The following NRG3 variants were observed in gnomAD, a reference collection of about 807,000 sequenced individuals.
NRG3 encodes the protein neuregulin 3, also known as pro-neuregulin-3, membrane-bound isoform.
Under a neutral mutation model 66.9 loss-of-function variants are expected in NRG3, and 31 were observed. That is an observed-to-expected ratio of 0.46 (90% confidence interval 0.35 to 0.63). The LOEUF (loss-of-function observed/expected upper bound fraction) is 0.63. Ranked by LOEUF, NRG3 falls within the 20% of genes least tolerant of loss-of-function variation. The pLI, the probability that NRG3 is intolerant of heterozygous loss-of-function variation, is 0.00. For synonymous variants in NRG3, 393 were observed against 359.4 expected (o/e 1.09, Z -1.06); for missense variants, 910 against 878.9 (o/e 1.04, Z -0.45).
In NRG3 at chr10:81,969,772, A is replaced by AGTGT. The variant is rs151308270; in HGVS notation, c.823+93635_823+93638dup. ...ATTTCTCTCATGTCTGGACATTTTG[A>AGTGT]GTGTGTGTGTGTGTGTGTGTGTGTG... On this transcript the variant is annotated intron_variant, in intron 1 of 8. Coordinates refer to ENST00000372141, the MANE Select transcript of NRG3 (RefSeq NM_001010848.4). Among the ~76,000 whole-genome samples, 198 of 144,988 alleles carry AGTGT rather than the reference A, an allele frequency of 1.4e-3. 1 individual carries two copies. The highest frequency in any genetic ancestry group is 0.011 in the Middle Eastern group (3 of 278).
chr10:82,950,105 T>G (rs1212445016), intron 4 of NRG3, among the ~76,000 whole-genome samples: 1 of 152,150 alleles, frequency 6.6e-6, no homozygotes, highest in African/African-American at 2.4e-5. Context: ...ACTAAATCAG[T>G]AACTCTGGGG....
At chr10:82,218,345 A>G (rs558483904) in intron 1 of NRG3, among the ~76,000 whole-genome samples, 2 of 152,326 alleles carry the variant, frequency 1.3e-5, no homozygotes, top group South Asian at 4.1e-4. Flanking sequence ...GATTCAGTCC[A>G]AGGTTCTCAC....
chr10:82,969,973 T>C (rs1851576372), intron 6 of NRG3, among the ~76,000 whole-genome samples: 1 of 152,244 alleles, frequency 6.6e-6, no homozygotes, highest in South Asian at 2.1e-4. Flanking sequence ...AATGGATTTA[T>C]ATGCATACGC....
At chr10:82,714,554 GC>G (rs1242079004) in intron 2 of NRG3, among the ~76,000 whole-genome samples, 1 of 151,886 alleles carries the variant, frequency 6.6e-6, no homozygotes, top group Non-Finnish European at 1.5e-5. Flanking sequence ...TGTACTTTAT[GC>G]TTTTCAGTTT....
chr10:82,070,601 C>A (rs922418484), intron 1 of NRG3, among the ~76,000 whole-genome samples: 120 of 151,692 alleles, frequency 7.9e-4, no homozygotes, highest in African/African-American at 2.8e-3. Context: ...ATAATAATGA[C>A]ATTAATTACA....
At chr10:82,276,029 TA>T (rs1379855414) in intron 1 of NRG3, among the ~76,000 whole-genome samples, 2 of 152,036 alleles carry the variant, frequency 1.3e-5, no homozygotes, top group Non-Finnish European at 2.9e-5. Flanking sequence ...AACATACTCA[TA>T]CATACTGTGC....
intron 1 of NRG3, among the ~76,000 whole-genome samples, chr10:81,997,837 T>C (rs2061000668): frequency 6.6e-6 from 1 of 150,988 alleles, no homozygotes; most frequent in African/African-American, 2.4e-5. Context: ...TGTCTATATG[T>C]CTGCCCCCCA....
At chr10:82,335,663 A>T (rs2042846202) in intron 1 of NRG3, among the ~76,000 whole-genome samples, 1 of 152,158 alleles carries the variant, frequency 6.6e-6, no homozygotes, top group Non-Finnish European at 1.5e-5. Context: ...ACAAAGAAAA[A>T]CAAACAAAAA....
chr10:82,343,809 G>T (rs2082815083), intron 1 of NRG3, among the ~76,000 whole-genome samples: 1 of 151,884 alleles, frequency 6.6e-6, no homozygotes, highest in Non-Finnish European at 1.5e-5. Context: ...GGATGCCTGG[G>T]TTCCCAAATC....
At chr10:82,710,586 C>CTAA (rs772969591) in intron 2 of NRG3, among the ~76,000 whole-genome samples, 1 of 73,754 alleles carries the variant, frequency 1.4e-5, no homozygotes, top group Non-Finnish European at 2.4e-5. Flanking sequence ...GACTCCATCT[C>CTAA]AAAAAAAAAA....
At chr10:82,328,926 G>A (rs1472283508) in intron 1 of NRG3, among the ~76,000 whole-genome samples, 2 of 152,064 alleles carry the variant, frequency 1.3e-5, no homozygotes, top group Non-Finnish European at 2.9e-5. Flanking sequence ...TCTGTTGCTG[G>A]CACTCATTTC....
At chr10:81,985,147 T>C (rs975656025) in intron 1 of NRG3, among the ~76,000 whole-genome samples, 5 of 152,222 alleles carry the variant, frequency 3.3e-5, no homozygotes, top group Non-Finnish European at 7.3e-5. Flanking sequence ...GTTAATTCAC[T>C]AAACAATCCT....
At chr10:82,073,090 T>C (rs77140901) in intron 1 of NRG3, among the ~76,000 whole-genome samples, 3 of 151,364 alleles carry the variant, frequency 2.0e-5, no homozygotes, top group Admixed American at 6.6e-5. Context: ...TGTAGACACA[T>C]CTTTATAAAA....
intron 1 of NRG3, among the ~76,000 whole-genome samples, chr10:82,318,878 C>T (rs536759791): frequency 6.6e-6 from 1 of 152,226 alleles, no homozygotes; most frequent in East Asian, 1.9e-4. Context: ...AAATATTTGC[C>T]GAATGAGTGA....
At chr10:82,244,895 G>A (rs1023793792) in intron 1 of NRG3, among the ~76,000 whole-genome samples, 8 of 151,852 alleles carry the variant, frequency 5.3e-5, no homozygotes, top group East Asian at 1.9e-4. Flanking sequence ...CACCATGCCC[G>A]GCTAATTTTT....
At chr10:82,421,209 T>G (rs1234466806) in intron 2 of NRG3, among the ~76,000 whole-genome samples, 3 of 152,142 alleles carry the variant, frequency 2.0e-5, no homozygotes, top group Non-Finnish European at 1.5e-5. Flanking sequence ...GACTCATATC[T>G]GTTGTCATTT....
intron 4 of NRG3, among the ~76,000 whole-genome samples, chr10:82,917,324 C>A (rs1845935926): frequency 6.6e-6 from 1 of 151,878 alleles, no homozygotes; most frequent in South Asian, 2.1e-4. Flanking sequence ...ACGTCTTGAC[C>A]AAAACAGACA....
rs536927208 is a variant in NRG3 at position 82,408,046 on chromosome 10, CGAGAGAGAGAGA to C, written c.953+49205_953+49216del. On this transcript the variant is annotated intron_variant, in intron 2 of 8. Transcript: ENST00000372141. The stretch of plus-strand genomic sequence containing the variant: ...CCTGTGTGACAGAGCAAGACTACAT[CGAGAGAGAGAGA>C]GAGAGAGAGAGAGAGAGAGAGAGAG... 8.2e-3 allele frequency among the ~76,000 whole-genome samples: 448 copies of C among 54,388 alleles called. 10 individuals are homozygous for C. The highest frequency in any genetic ancestry group is 0.036 in the African/African-American group (423 of 11,878). 35.7% of individuals were successfully genotyped at this position (54,388 alleles called of 152,430 possible).
chr10:82,037,656 C>T (rs952742196), intron 1 of NRG3, among the ~76,000 whole-genome samples: 2 of 152,110 alleles, frequency 1.3e-5, no homozygotes, highest in Admixed American at 6.6e-5. Context: ...TAGAAGACAT[C>T]ACGATGAGGC....
Sources: gnomAD v4.1 joint callset for allele counts (sites outside exome capture counted in the v4.1 genomes callset) on GRCh38, gnomAD v4.1.1 for gene constraint, MANE v1.5 for transcripts, NCBI Gene and HGNC (gene_info 2026-07-23, HGNC 2026-07-21) for gene names.